Variants in BTBD16 observed in about 807,000 individuals in gnomAD.
The protein encoded by BTBD16 is BTB/POZ domain-containing protein 16.
BTBD16 carries 66 observed loss-of-function variants against 67.4 expected under a neutral mutation model. The observed-to-expected ratio is 0.98, with a 90% CI of 0.80 to 1.20. BTBD16 has a LOEUF of 1.20. BTBD16 is among the 50% of genes most tolerant of loss of function. BTBD16 has a pLI of 0.00. For synonymous variants in BTBD16, 242 were observed against 236.4 expected, an observed-to-expected ratio of 1.02 and a Z score of -0.22; for missense variants, 634 against 616.0, an observed-to-expected ratio of 1.03 and a Z score of -0.31.
chr10:122,293,552 A>G (rs543197743), intron 7 of BTBD16, among the ~76,000 whole-genome samples: 4 of 152,282 alleles, frequency 2.6e-5, no homozygotes, highest in Non-Finnish European at 5.9e-5. Context: ...TGGGAGATGA[A>G]TAGTTGCAGG....
At chr10:122,273,557 T>C (rs2096333913) in intron 1 of BTBD16, among the ~76,000 whole-genome samples, 1 of 152,024 alleles carries the variant, frequency 6.6e-6, no homozygotes, top group South Asian at 2.1e-4. Flanking sequence ...CTGGGCAATA[T>C]AGATCAGTCT....
intron 10 of BTBD16, among the ~76,000 whole-genome samples, chr10:122,314,422 T>G (rs548366870): frequency 2.1e-4 from 32 of 152,286 alleles, no homozygotes; most frequent in African/African-American, 3.1e-4. Context: ...GAGGATCACT[T>G]GAGCCTGGGA....
In BTBD16 at chr10:122,289,997, C is replaced by T. The variant is rs367755013; in HGVS notation, c.474C>T (p.Val158=). ...LKINDPLVTK[V]AFATALKNLY... is the part of the protein sequence containing the mutation. ...TCAATGACCCACTGGTCACTAAAGT[C>T]GGTATGTATATACCCGTCTATATTC... is the stretch of plus-strand genomic sequence containing the variant. Residue 158 remains valine (V), a splice_region_variant and synonymous_variant, in exon 6 of 16, where the codon GTC becomes GTT. Coordinates refer to ENST00000260723, the MANE Select transcript of BTBD16 (RefSeq NM_144587.5). The T allele has an allele frequency of 2.1e-5, 33 of 1,597,830 alleles. No individual in the cohort carries two copies. The East Asian group carries it at 3.3e-4, about 16-fold the overall frequency.
In BTBD16 at chr10:122,310,226, C is replaced by T. The variant is rs144794864; in HGVS notation, c.911+2918C>T. ...GTGGTGCCCGTTGAGTGCACCAGCC[C>T]AAGAAGGATTCTCAGCTTTTCTGTA... On this transcript the variant is annotated intron_variant, in intron 10 of 15. Transcript: ENST00000260723. Among the ~76,000 whole-genome samples, 819 of 152,280 alleles carry T rather than the reference C, an allele frequency of 5.4e-3. 7 individuals carry two copies. Among genetic ancestry groups the T allele is most frequent in the Non-Finnish European group, 7.5e-3 (510 of 68,030 alleles).
intron 10 of BTBD16, among the ~76,000 whole-genome samples, chr10:122,319,314 A>G (rs1300806685): frequency 1.3e-5 from 2 of 152,240 alleles, no homozygotes; most frequent in Non-Finnish European, 1.5e-5. Flanking sequence ...CAAGATGACT[A>G]TGATTTTTCC....
intron 7 of BTBD16, chr10:122,294,118 C>CTG: frequency 1.0e-6 from 1 of 985,246 alleles, no homozygotes; most frequent in Non-Finnish European, 1.2e-6. Flanking sequence ...TGTGGTGGGG[C>CTG]TGGGATTCTA....
chr10:122,331,599 C>G (rs1043358565), intron 12 of BTBD16, among the ~76,000 whole-genome samples: 1 of 152,220 alleles, frequency 6.6e-6, no homozygotes, highest in Non-Finnish European at 1.5e-5. Flanking sequence ...TTTCAAATCA[C>G]TTTTCTTAGT....
chr10:122,283,976 C>A, intron 4 of BTBD16, 52 bp downstream of exon 4: 1 of 1,387,550 alleles, frequency 7.2e-7, no homozygotes, highest in Non-Finnish European at 1.0e-6. Flanking sequence ...ATTTCAGGGG[C>A]ATCTTGTGGT....
At chr10:122,286,281 C>T (rs769157632) in intron 5 of BTBD16, 33 bp downstream of exon 5, 2 of 1,579,620 alleles carry the variant, frequency 1.3e-6, no homozygotes, top group Admixed American at 1.8e-5. Context: ...TGCTGGAGCC[C>T]CAGTGCCCTC....
chr10:122,273,519 T>A (rs2096333832), intron 1 of BTBD16, among the ~76,000 whole-genome samples: 1 of 152,092 alleles, frequency 6.6e-6, no homozygotes, highest in South Asian at 2.1e-4. Context: ...GCAGGAGGAT[T>A]GCTTGATATC....
chr10:122,318,454 T>C (rs2096430032), intron 10 of BTBD16, among the ~76,000 whole-genome samples: 1 of 152,250 alleles, frequency 6.6e-6, no homozygotes, highest in African/African-American at 2.4e-5. Context: ...TGTACAAGTC[T>C]GTATGGGAGA....
chr10:122,328,618 G>A (rs539880934), intron 10 of BTBD16: 104 of 324,106 alleles, frequency 3.2e-4, no homozygotes, highest in Non-Finnish European at 4.1e-4. Flanking sequence ...CTTGATTTAC[G>A]GAAAAATAAT....
intron 2 of BTBD16, among the ~76,000 whole-genome samples, chr10:122,275,777 G>T (rs74411266): frequency 0.011 from 1,723 of 152,156 alleles, 18 homozygotes; most frequent in Non-Finnish European, 0.017. Context: ...GCTGGGTATC[G>T]TCCTTCTTTT....
At chr10:122,308,074 T>G (rs1452912427) in intron 10 of BTBD16, among the ~76,000 whole-genome samples, 1 of 152,226 alleles carries the variant, frequency 6.6e-6, no homozygotes, top group Non-Finnish European at 1.5e-5. Flanking sequence ...TAATAGCCTA[T>G]GAGACACTTT....
chr10:122,309,600 C>T (rs933591710), intron 10 of BTBD16, among the ~76,000 whole-genome samples: 1 of 152,058 alleles, frequency 6.6e-6, no homozygotes, highest in African/African-American at 2.4e-5. Flanking sequence ...GCCTCGGCCT[C>T]CCAAAGTGCT....
intron 10 of BTBD16, among the ~76,000 whole-genome samples, chr10:122,310,590 C>T (rs1045658595): frequency 6.6e-6 from 1 of 152,102 alleles, no homozygotes; most frequent in Non-Finnish European, 1.5e-5. Flanking sequence ...TGGTCGCTGA[C>T]AGGGATGTGC....
rs185523406 is a variant in BTBD16, at chr10:122,272,596, C to G, written c.-43+1082C>G. Among the ~76,000 whole-genome samples, 376 of 152,260 alleles carry G rather than the reference C, an allele frequency of 2.5e-3. 2 individuals are homozygous for G. Among genetic ancestry groups the G allele is most frequent in the African/African-American group, 8.7e-3 (360 of 41,528 alleles). ...CCTCAGGTGATCCACCTGCCTTGGC[C>G]TCCCAAAGTGCTGGGATTACAGGCA... is the stretch of plus-strand genomic sequence containing the variant. On this transcript the variant is annotated intron_variant, in intron 1 of 15. Coordinates refer to ENST00000260723, the MANE Select transcript of BTBD16 (RefSeq NM_144587.5).
chr10:122,336,537 A>G lies in BTBD16; in HGVS notation c.1307A>G (p.Glu436Gly). 6.2e-7 allele frequency: 1 copy of G among 1,612,420 alleles called. No individual in the cohort carries two copies. Among genetic ancestry groups the G allele is most frequent in the Non-Finnish European group, 8.5e-7 (1 of 1,179,370 alleles). ...TDLESPSAVY[E>G]HNHVSLRAAR... ...CTGGAATCTCCCTCTGCGGTCTACG[A>G]GCACAACCACGTCAGCCTGCGAGCG... Residue 436 changes from glutamate (E) to glycine (G), a missense_variant, in exon 15 of 16, where the codon GAG becomes GGG. Glu to Gly is a moderately conservative substitution (Grantham distance 98). Transcript: ENST00000260723.
At chr10:122,275,214 T>C in intron 2 of BTBD16, 115 bp downstream of exon 2, 1 of 1,032,046 alleles carries the variant, frequency 9.7e-7, no homozygotes, top group Non-Finnish European at 1.5e-6. Flanking sequence ...CCTCAAGCAT[T>C]ATTGGCTGAC....
Sources: gnomAD v4.1 joint callset for allele counts (sites outside exome capture counted in the v4.1 genomes callset) on GRCh38, gnomAD v4.1.1 for gene constraint, MANE v1.5 for transcripts, NCBI Gene and HGNC (gene_info 2026-07-23, HGNC 2026-07-21) for gene names.